Variants in SOCS6 observed in about 807,000 individuals in gnomAD.
The protein encoded by SOCS6 is suppressor of cytokine signaling 6.
In SOCS6, 5 loss-of-function variants were observed where a neutral mutation model predicts 27.7. The observed-to-expected ratio is 0.18, with a 90% CI of 0.09 to 0.38. The LOEUF (loss-of-function observed/expected upper bound fraction) is 0.38. Ranked by LOEUF, SOCS6 falls within the 10% of genes least tolerant of loss-of-function variation. The pLI is 1.00. For missense variants in SOCS6, 595 were observed against 688.1 expected, an observed-to-expected ratio of 0.86 and a Z score of 1.51; for synonymous variants, 271 against 260.0, an observed-to-expected ratio of 1.04 and a Z score of -0.41.
At chr18:70,307,838 T>C (rs1300684238) in intron 1 of SOCS6, among the ~76,000 whole-genome samples, 1 of 152,196 alleles carries the variant, frequency 6.6e-6, no homozygotes, top group Non-Finnish European at 1.5e-5. Flanking sequence ...TTCTGTTTTC[T>C]ATTTTATTAA....
chr18:70,321,634 G>A (rs1251286991), intron 1 of SOCS6, among the ~76,000 whole-genome samples: 5 of 151,470 alleles, frequency 3.3e-5, no homozygotes, highest in Admixed American at 6.6e-5. Flanking sequence ...CCCGCCTCTC[G>A]GTTTTATTTT....
At chr18:70,321,493 T>A (rs1437440672) in intron 1 of SOCS6, among the ~76,000 whole-genome samples, 6 of 131,054 alleles carry the variant, frequency 4.6e-5, no homozygotes, top group Non-Finnish European at 5.3e-5. Context: ...GCTATTTTTT[T>A]TTTTTTTTTT....
intron 1 of SOCS6, among the ~76,000 whole-genome samples, chr18:70,296,885 T>A (rs2062325507): frequency 1.4e-5 from 2 of 147,428 alleles, no homozygotes; most frequent in South Asian, 2.2e-4. Context: ...ATTTCTTCCC[T>A]TTCATTTTCT....
rs754128675 is a variant in SOCS6 at position 70,328,062 on chromosome 18, A to C, written c.*1786A>C. 1.2e-5 allele frequency: 2 copies of C among 166,920 alleles called. No individual in the cohort carries two copies. The highest frequency in any genetic ancestry group is 2.9e-5 in the Non-Finnish European group (2 of 68,100). 10.3% of individuals were successfully genotyped at this position (166,920 alleles called of 1,614,324 possible). A position where few individuals can be genotyped will look rare whatever the true frequency, so the allele number is the denominator to read the frequency against. ...TTGTTAAAAAGACTCTCATTTTCTC[A>C]TATGTTTTCTCCTAATAAGATGGAA... On this transcript the variant is annotated 3_prime_UTR_variant, in exon 2 of 2. Transcript: ENST00000397942.
At chr18:70,307,718 A>G (rs189525515) in intron 1 of SOCS6, among the ~76,000 whole-genome samples, 2 of 152,174 alleles carry the variant, frequency 1.3e-5, no homozygotes, top group East Asian at 1.9e-4. Flanking sequence ...GATTTTGCTA[A>G]TTTATGTCTT....
At chr18:70,314,343 T>C (rs893885598) in intron 1 of SOCS6, 2 of 138,274 alleles carry the variant, frequency 1.4e-5, no homozygotes, top group African/African-American at 2.9e-5. Flanking sequence ...TCCTTTTTTT[T>C]CCCCCTGATA....
At chr18:70,295,333 T>TA (rs1334795938) in intron 1 of SOCS6, among the ~76,000 whole-genome samples, 2 of 152,222 alleles carry the variant, frequency 1.3e-5, no homozygotes, top group Admixed American at 1.3e-4. Context: ...TGGTGGCACT[T>TA]ACAGTGATTT....
chr18:70,313,634 A>T (rs957235434), intron 1 of SOCS6, among the ~76,000 whole-genome samples: 1 of 152,142 alleles, frequency 6.6e-6, no homozygotes, highest in Non-Finnish European at 1.5e-5. Flanking sequence ...TTGATAGTTC[A>T]CCTATCCCTG....
intron 1 of SOCS6, among the ~76,000 whole-genome samples, chr18:70,316,269 ATTTAC>A (rs2062411074): frequency 6.6e-6 from 1 of 151,688 alleles, no homozygotes; most frequent in South Asian, 2.1e-4. Flanking sequence ...TGTTTGTCCT[ATTTAC>A]TTTTATTGCC....
intron 1 of SOCS6, among the ~76,000 whole-genome samples, chr18:70,294,519 CAT>C: frequency 6.6e-6 from 1 of 152,094 alleles, no homozygotes; most frequent in East Asian, 1.9e-4. Context: ...TAATTTAAAA[CAT>C]AATCTGACTA....
In SOCS6 at chr18:70,324,639, T is replaced by C. The variant is rs1911117104; in HGVS notation, c.-30T>C. 3.5e-6 allele frequency: 5 copies of C among 1,416,578 alleles called. No individual in the cohort carries two copies. Among genetic ancestry groups the C allele is most frequent in the Non-Finnish European group, 4.8e-6 (5 of 1,031,930 alleles). 87.8% of individuals were successfully genotyped at this position (1,416,578 alleles called of 1,614,324 possible). ...GGGGATAATATTCCAGATAGAAATA[T>C]TGATCCCTTGGATTAGGTAACTAGT... On this transcript the variant is annotated 5_prime_UTR_variant, in exon 2 of 2. Transcript: ENST00000397942.
intron 1 of SOCS6, among the ~76,000 whole-genome samples, chr18:70,305,593 A>C (rs2062365833): frequency 6.6e-6 from 1 of 152,256 alleles, no homozygotes; most frequent in Non-Finnish European, 1.5e-5. Context: ...TTAATATAAA[A>C]AAGAGCTTAC....
intron 1 of SOCS6, among the ~76,000 whole-genome samples, chr18:70,303,408 T>C (rs1205871597): frequency 6.6e-6 from 1 of 152,220 alleles, no homozygotes; most frequent in Non-Finnish European, 1.5e-5. Context: ...TTTTATGTTT[T>C]TTTCTTTAAT....
rs891007028 is a variant in SOCS6 at position 70,328,723 on chromosome 18, C to T, written c.*2447C>T. ...AATTTACAAGCAGAAAGATGTTTTGCGATATTTTCTACTTTTGTGTAGAAA... is the reference window on the plus strand; with the variant it reads ...AATTTACAAGCAGAAAGATGTTTTGTGATATTTTCTACTTTTGTGTAGAAA... On this transcript the variant is annotated 3_prime_UTR_variant, in exon 2 of 2. Transcript: ENST00000397942. 4 of 166,570 alleles carry T rather than the reference C, an allele frequency of 2.4e-5. No homozygotes were observed. The highest frequency in any genetic ancestry group is 5.9e-5 in the Non-Finnish European group (4 of 68,070). 10.3% of individuals were successfully genotyped at this position (166,570 alleles called of 1,614,324 possible). A position where few individuals can be genotyped will look rare whatever the true frequency, so the allele number is the denominator to read the frequency against.
At chr18:70,291,032 C>T (rs1212869366) in intron 1 of SOCS6, among the ~76,000 whole-genome samples, 2 of 152,218 alleles carry the variant, frequency 1.3e-5, no homozygotes, top group Admixed American at 6.5e-5. Context: ...GTCATTTTGC[C>T]TTCCAGTGTT....
intron 1 of SOCS6, among the ~76,000 whole-genome samples, chr18:70,322,469 C>T (rs1157355435): frequency 6.6e-6 from 1 of 152,092 alleles, no homozygotes; most frequent in Non-Finnish European, 1.5e-5. Context: ...AGGTAATTGC[C>T]AAGTACTTTT....
intron 1 of SOCS6, among the ~76,000 whole-genome samples, chr18:70,321,995 A>G (rs1409799226): frequency 6.6e-6 from 1 of 152,048 alleles, no homozygotes; most frequent in Non-Finnish European, 1.5e-5. Context: ...TAATTTTTTC[A>G]TTATGTGTTA....
chr18:70,289,927 A>T (rs1181684334), intron 1 of SOCS6, among the ~76,000 whole-genome samples: 2 of 152,202 alleles, frequency 1.3e-5, no homozygotes, highest in Non-Finnish European at 2.9e-5. Context: ...AGATCCTGGC[A>T]CAAAACTTGG....
intron 1 of SOCS6, among the ~76,000 whole-genome samples, chr18:70,323,330 C>T (rs1168078579): frequency 2.0e-5 from 3 of 152,168 alleles, no homozygotes; most frequent in Non-Finnish European, 4.4e-5. Flanking sequence ...GATCACTTAA[C>T]GTGGTTTATG....
Sources: allele counts gnomAD v4.1 joint callset (sites outside exome capture counted in the v4.1 genomes callset), GRCh38; gene constraint gnomAD v4.1.1; transcripts MANE v1.5; gene names NCBI Gene and HGNC (gene_info 2026-07-23, HGNC 2026-07-21).